USP47: variants seen among roughly 807,000 people sequenced by gnomAD.
USP47 encodes ubiquitin specific peptidase 47.
Under a neutral mutation model 165.1 loss-of-function variants are expected in USP47, and 35 were observed. The ratio of observed to expected loss-of-function variants is 0.21; its 90% CI spans 0.16 to 0.28. USP47 has a LOEUF of 0.28. USP47 is among the 10% of genes least tolerant of loss of function. USP47 has a pLI of 1.00. For synonymous variants in USP47, 531 were observed against 544.5 expected, an observed-to-expected ratio of 0.98 and a Z score of 0.35; for missense variants, 1,277 against 1,607.4, an observed-to-expected ratio of 0.79 and a Z score of 3.52.
intron 1 of USP47, among the ~76,000 whole-genome samples, chr11:11,856,017 TTGA>T (rs1849018218): frequency 6.6e-6 from 1 of 152,294 alleles, no homozygotes; most frequent in Non-Finnish European, 1.5e-5. Context: ...AAAGGCTGAC[TTGA>T]TTATTATGTA....
At chr11:11,875,033 T>C (rs867859226) in intron 1 of USP47, among the ~76,000 whole-genome samples, 1 of 95,356 alleles carries the variant, frequency 1.0e-5, no homozygotes, top group Non-Finnish European at 2.3e-5. Context: ...AATTGACTTA[T>C]TGTGTGTGTG....
chr11:11,848,364 G>A (rs1848540485), intron 1 of USP47, among the ~76,000 whole-genome samples: 1 of 152,172 alleles, frequency 6.6e-6, no homozygotes, highest in Non-Finnish European at 1.5e-5. Flanking sequence ...ACTGTAGGCA[G>A]TTGTAATACA....
chr11:11,911,731 C>G (rs1466778055), intron 8 of USP47, among the ~76,000 whole-genome samples: 1 of 152,146 alleles, frequency 6.6e-6, no homozygotes. Context: ...AGAGGTAGAA[C>G]TCAGCAACAC....
rs759895118 is a variant in USP47, at chr11:11,961,232, G to A, written c.*5057G>A. ...AAAGAGATTTTGCAGATGCAATTAA[G>A]GTTAAGGACCTTGACGTGGGAAGAT... On this transcript the variant is annotated 3_prime_UTR_variant, in exon 28 of 28. Coordinates refer to ENST00000527733, the MANE Select transcript of USP47 (RefSeq NM_001282659.2). 3.3e-5 allele frequency among the ~76,000 whole-genome samples: 5 copies of A among 151,812 alleles called. No individual in the cohort carries two copies. Among genetic ancestry groups the A allele is most frequent in the Non-Finnish European group, 7.4e-5 (5 of 67,996 alleles).
chr11:11,851,675 T>C (rs1412901745), intron 1 of USP47, among the ~76,000 whole-genome samples: 1 of 152,220 alleles, frequency 6.6e-6, no homozygotes, highest in African/African-American at 2.4e-5. Context: ...TTTTGTTTGT[T>C]TCAAGATCCA....
At position 11,884,498 on chromosome 11, in the gene USP47, T is replaced by G. The variant is rs953109594; in HGVS notation, c.275T>G (p.Leu92Arg). The G allele has an allele frequency of 5.0e-6, 8 of 1,611,310 alleles. No homozygotes were observed. The highest frequency in any genetic ancestry group is 6.8e-6 in the Non-Finnish European group (8 of 1,179,114). Reference protein sequence around the residue: ...APLDHTSDKSLLDANFEPGKK... With the variant: ...APLDHTSDKSRLDANFEPGKK... ...CTGGATCATACCAGTGACAAGTCAC[T>G]TCTCGACGCTAATTTTGAGCCAGGA... is the stretch of plus-strand genomic sequence containing the variant. Residue 92 changes from leucine to arginine, a missense_variant, in exon 3 of 28, where the codon CTT becomes CGT. Coordinates refer to ENST00000527733, the MANE Select transcript of USP47 (RefSeq NM_001282659.2).
chr11:11,937,963 G>GT (rs1855195438), intron 17 of USP47, among the ~76,000 whole-genome samples: 1 of 151,928 alleles, frequency 6.6e-6, no homozygotes, highest in Non-Finnish European at 1.5e-5. Context: ...AATCAGAACA[G>GT]TTTTTGTGTG....
chr11:11,868,827 G>A (rs1370073434), intron 1 of USP47, among the ~76,000 whole-genome samples: 2 of 151,674 alleles, frequency 1.3e-5, no homozygotes, highest in African/African-American at 2.4e-5. Flanking sequence ...TTCTGAAAAC[G>A]ATGTGGTAAT....
At chr11:11,919,562 A>G (rs2134589845) in intron 8 of USP47, among the ~76,000 whole-genome samples, 1 of 151,934 alleles carries the variant, frequency 6.6e-6, no homozygotes, top group South Asian at 2.1e-4. Context: ...CCAAATTAAC[A>G]ATCCAGGATC....
intron 25 of USP47, among the ~76,000 whole-genome samples, chr11:11,953,301 A>C (rs1856342900): frequency 6.6e-6 from 1 of 152,226 alleles, no homozygotes; most frequent in Non-Finnish European, 1.5e-5. Context: ...GAAAGGGTGA[A>C]TTAGTCAATC....
chr11:11,858,460 T>A (rs1367705279), intron 1 of USP47, among the ~76,000 whole-genome samples: 1 of 152,168 alleles, frequency 6.6e-6, no homozygotes, highest in African/African-American at 2.4e-5. Context: ...AAACATACAG[T>A]TGTACAACCA....
At chr11:11,937,081 AT>A (rs201260105) in intron 17 of USP47, among the ~76,000 whole-genome samples, 1 of 150,726 alleles carries the variant, frequency 6.6e-6, no homozygotes, top group African/African-American at 2.4e-5. Flanking sequence ...TGAGTTTGTT[AT>A]TTTTTTTTCT....
At position 11,959,440 on chromosome 11, in the gene USP47, ATAG is replaced by A. The variant is rs1313037362; in HGVS notation, c.*3269_*3271del. On this transcript the variant is annotated 3_prime_UTR_variant, in exon 28 of 28. Coordinates refer to ENST00000527733, the MANE Select transcript of USP47 (RefSeq NM_001282659.2). ...TGTGTATGTGCGATTTACCAGGGAG[ATAG>A]TAGGACAGTTTTTATGAGGGTTTCA... is the stretch of plus-strand genomic sequence containing the variant. 6.6e-6 allele frequency: 1 copy of A among 152,156 alleles called. No individual in the cohort carries two copies. The highest frequency in any genetic ancestry group is 1.5e-5 in the Non-Finnish European group (1 of 68,040). The allele number at this position is 152,156 out of a possible 1,614,324, so 9.4% of individuals were successfully genotyped here.
intron 1 of USP47, among the ~76,000 whole-genome samples, chr11:11,843,358 G>C (rs1366934866): frequency 6.6e-6 from 1 of 152,164 alleles, no homozygotes; most frequent in African/African-American, 2.4e-5. Flanking sequence ...GACGATTTTT[G>C]TAAAAGGCAG....
chr11:11,879,137 G>A (rs1850667189), intron 1 of USP47, among the ~76,000 whole-genome samples: 1 of 152,164 alleles, frequency 6.6e-6, no homozygotes, highest in Admixed American at 6.6e-5. Context: ...AGGAATATAA[G>A]ATTGGAAGAA....
Position 11,901,852 on chromosome 11 carries a change from G to A in USP47, c.594-863G>A, listed in dbSNP as rs370869181. Among the ~76,000 whole-genome samples the A allele has an allele frequency of 5.7e-4, 87 of 151,744 alleles. 3 individuals are homozygous for A. In the South Asian group the frequency reaches 0.018, roughly 31 times the overall value. On this transcript the variant is annotated intron_variant, in intron 5 of 27. Coordinates refer to ENST00000527733, the MANE Select transcript of USP47 (RefSeq NM_001282659.2). ...TGCATGTGTATAATCCCAGCTACTC[G>A]GGAGGCTGAGACAGGAGAATCGCTT...
At chr11:11,850,681 C>G (rs1004984343) in intron 1 of USP47, among the ~76,000 whole-genome samples, 2 of 152,116 alleles carry the variant, frequency 1.3e-5, no homozygotes, top group African/African-American at 4.8e-5. Context: ...GATGGTAAAT[C>G]TGGATGATTT....
intron 17 of USP47, 102 bp from the exon 18 acceptor site, chr11:11,938,155 T>C (rs1166808957): frequency 1.1e-6 from 1 of 927,334 alleles, no homozygotes; most frequent in Non-Finnish European, 1.7e-6. Context: ...CTTGGAAGTT[T>C]GGATTTGTCA....
At position 11,950,405 on chromosome 11, in the gene USP47, T is replaced by C. The variant is rs369745887; in HGVS notation, c.3506T>C (p.Val1169Ala). ...RKKTWKNPGT[V>A]FLDYHIYEED... ...AAAACATGGAAGAATCCTGGCACTG[T>C]CTTTTTGGATTATCATATTTATGAA... The change falls in exon 24 of 28, where the codon GTC becomes GCC. Residue 1169 changes from valine to alanine, a missense_variant. Physicochemically the swap from Val to Ala is moderately conservative, Grantham distance 64. Transcript: ENST00000527733. 2.1e-5 allele frequency: 34 copies of C among 1,607,828 alleles called. No homozygotes were observed. The highest frequency in any genetic ancestry group is 5.9e-6 in the Non-Finnish European group (7 of 1,178,058).
Sources: allele counts gnomAD v4.1 joint callset (sites outside exome capture counted in the v4.1 genomes callset), GRCh38; gene constraint gnomAD v4.1.1; transcripts MANE v1.5; gene names NCBI Gene and HGNC (gene_info 2026-07-23, HGNC 2026-07-21).